TCAF1: variants seen among roughly 807,000 people sequenced by gnomAD.
TCAF1 encodes the protein TRPM8 channel associated factor 1, also known as TRPM8 channel-associated factor 1.
Under a neutral mutation model 27.3 loss-of-function variants are expected in TCAF1, and 4 were observed. The observed-to-expected ratio is 0.15, with a 90% confidence interval of 0.07 to 0.34. TCAF1 has a LOEUF of 0.34. Among genes scored for constraint, TCAF1 ranks in the 10% least tolerant of loss-of-function variants. The pLI, the probability that TCAF1 is intolerant of heterozygous loss-of-function variation, is 1.00. For missense variants in TCAF1, 257 were observed against 425.8 expected, an observed-to-expected ratio of 0.60 and a Z score of 3.49; for synonymous variants, 105 against 167.1, an observed-to-expected ratio of 0.63 and a Z score of 2.87.
intron 2 of TCAF1, among the ~76,000 whole-genome samples, chr7:143,871,598 T>C (rs1812463266): frequency 3.6e-5 from 1 of 27,454 alleles, no homozygotes; most frequent in East Asian, 6.7e-4. Context: ...CACAAAAGAC[T>C]CATCTATATC....
In TCAF1 at chr7:143,885,489, C is replaced by T. The variant is rs1169003877; in HGVS notation, c.-14-8867G>A. ...CAGTTTCTACCCCAAGATGCCGCCC[C>T]AGATCCGGGATGGAGACCCAGACGC... On this transcript the variant is annotated intron_variant, in intron 1 of 8. Coordinates refer to ENST00000479870, the MANE Select transcript of TCAF1 (RefSeq NM_014719.3). 45 of 985,286 alleles carry T rather than the reference C, an allele frequency of 4.6e-5. 1 individual carries two copies. The highest frequency in any genetic ancestry group is 5.3e-5 in the Non-Finnish European group (44 of 829,942). 61.0% of individuals were successfully genotyped at this position (985,286 alleles called of 1,614,324 possible).
intron 1 of TCAF1, among the ~76,000 whole-genome samples, chr7:143,890,688 G>T (rs1215734897): frequency 6.6e-6 from 1 of 152,170 alleles, no homozygotes; most frequent in Non-Finnish European, 1.5e-5. Flanking sequence ...ACAGTGCAGG[G>T]TTACTGAGGC....
chr7:143,885,641 G>A (rs1005183915), intron 1 of TCAF1: 11 of 810,014 alleles, frequency 1.4e-5, no homozygotes, highest in Non-Finnish European at 1.5e-5. Context: ...TTCCAAGGAT[G>A]GGTTAAATCT....
intron 2 of TCAF1, among the ~76,000 whole-genome samples, chr7:143,867,439 T>C (rs1305045283): frequency 6.6e-6 from 1 of 151,612 alleles, no homozygotes; most frequent in East Asian, 1.9e-4. Flanking sequence ...AGGGAGACCC[T>C]GTCTCAAAAA....
chr7:143,882,595 C>G, intron 1 of TCAF1: 6 of 985,656 alleles, frequency 6.1e-6, no homozygotes, highest in Non-Finnish European at 7.2e-6. Flanking sequence ...TTTCGGCACA[C>G]CCAGACCCAC....
intron 6 of TCAF1, among the ~76,000 whole-genome samples, chr7:143,859,748 C>G (rs1259689276): frequency 1.9e-4 from 28 of 149,226 alleles, no homozygotes; most frequent in Non-Finnish European, 3.1e-4. Flanking sequence ...ACAACTCTGA[C>G]CTAGGTCACG....
chr7:143,884,740 TAGAA>T (rs1440243038), intron 1 of TCAF1, among the ~76,000 whole-genome samples: 2 of 140,576 alleles, frequency 1.4e-5, no homozygotes, highest in Non-Finnish European at 3.1e-5. Flanking sequence ...TTTTATTTCT[TAGAA>T]AGAAAGGGGG....
In TCAF1 at chr7:143,876,278, C is replaced by T. The variant is rs1812701438; in HGVS notation, c.331G>A (p.Asp111Asn). ...LAKILEGSGV[D>N]AKVEPEVKDS... ...TTCACTTCTGGCTCAACCTTTGCAT[C>T]CACTCCAGAGCCCTCGAGGATTTTG... The change falls in exon 2 of 9, where the codon GAT becomes AAT. Residue 111 changes from aspartate to asparagine, a missense_variant. By Grantham distance (23) the Asp-to-Asn change is conservative. Transcript: ENST00000479870. 1 of 1,614,082 alleles carries T rather than the reference C, an allele frequency of 6.2e-7. No individual in the cohort carries two copies. Among genetic ancestry groups the T allele is most frequent in the African/African-American group, 1.3e-5 (1 of 74,946 alleles).
chr7:143,852,544 C>T lies in TCAF1; in HGVS notation c.*1589G>A, dbSNP rs1394530029. On this transcript the variant is annotated 3_prime_UTR_variant, in exon 9 of 9. Coordinates refer to ENST00000479870, the MANE Select transcript of TCAF1 (RefSeq NM_014719.3). ...ATTTGCCTGACAGAAAATGTCTTCA[C>T]TTTGATGTTCTTCTTGACAGTCTGC... 2.0e-5 allele frequency: 3 copies of T among 152,792 alleles called. No homozygotes were observed. Among genetic ancestry groups the T allele is most frequent in the African/African-American group, 7.2e-5 (3 of 41,490 alleles). The allele number at this position is 152,792 out of a possible 1,614,324, so 9.5% of individuals were successfully genotyped here.
rs1562969350 is a variant in TCAF1, at chr7:143,886,556, G to A, written c.-14-9934C>T. ...TCCACTGGATGGATGGATGAAATGG[G>A]GTAAGAAAGAAAATCCTTAGGATCA... On this transcript the variant is annotated intron_variant, in intron 1 of 8. Transcript: ENST00000479870. The A allele has an allele frequency of 5.1e-6, 5 of 984,070 alleles. No individual in the cohort carries two copies. The South Asian group carries it at 2.4e-4, about 46-fold the overall frequency. The allele number at this position is 984,070 out of a possible 1,614,324, so 61.0% of individuals were successfully genotyped here.
rs1486437122 is a variant in TCAF1 at position 143,902,127 on chromosome 7, G to C, written c.-181C>G. ...AGGAGGAAGCAGCTTCTCCGCCCAG[G>C]AGGCAAAGGGCAGCGGGCTCGAAAC... On this transcript the variant is annotated 5_prime_UTR_variant, in exon 1 of 9. Transcript: ENST00000479870. 2.0e-5 allele frequency: 3 copies of C among 152,422 alleles called. No individual in the cohort carries two copies. Among genetic ancestry groups the C allele is most frequent in the Non-Finnish European group, 4.4e-5 (3 of 68,202 alleles). 9.4% of individuals were successfully genotyped at this position (152,422 alleles called of 1,614,324 possible). A position where few individuals can be genotyped will look rare whatever the true frequency, so the allele number is the denominator to read the frequency against.
At chr7:143,869,105 T>C (rs1337505774) in intron 2 of TCAF1, among the ~76,000 whole-genome samples, 2 of 133,814 alleles carry the variant, frequency 1.5e-5, no homozygotes, top group Non-Finnish European at 3.2e-5. Context: ...CAGGTTCAAA[T>C]GATTCTCATG....
intron 2 of TCAF1, 136 bp downstream of exon 2, chr7:143,875,853 A>G (rs1812665531): frequency 1.4e-6 from 1 of 706,484 alleles, no homozygotes; most frequent in Admixed American, 3.2e-5. Flanking sequence ...CATTTAAAAA[A>G]TCTAGTTGAT....
chr7:143,882,580 T>C (rs1406030790), intron 1 of TCAF1: 3 of 985,228 alleles, frequency 3.0e-6, no homozygotes, highest in Non-Finnish European at 3.6e-6. Flanking sequence ...CCCGATGATT[T>C]CTGATTTCGG....
At position 143,876,342 on chromosome 7, in the gene TCAF1, C is replaced by T; in HGVS notation, c.267G>A (p.Gly89=). ...GGGATGGGTGTACACCAATGGGAGC[C>T]CCAGGGGAAGAGCAAAGCCACCCCA... is the stretch of plus-strand genomic sequence containing the variant. ...NAVGWLCSSP[G]APIGVHPSLA... is the part of the protein sequence containing the mutation. The change falls in exon 2 of 9, where the codon GGG becomes GGA. Residue 89 remains glycine, a synonymous_variant. Transcript: ENST00000479870. The T allele has an allele frequency of 6.2e-7, 1 of 1,614,144 alleles. No individual in the cohort carries two copies. The highest frequency in any genetic ancestry group is 1.1e-5 in the South Asian group (1 of 91,082).
At chr7:143,901,370 C>G (rs1043008946) in intron 1 of TCAF1, among the ~76,000 whole-genome samples, 1 of 152,198 alleles carries the variant, frequency 6.6e-6, no homozygotes, top group Non-Finnish European at 1.5e-5. Flanking sequence ...GTACTTAAGG[C>G]CTTCTTCCGT....
At chr7:143,875,862 A>C (rs528782000) in intron 2 of TCAF1, 127 bp downstream of exon 2, 2 of 777,226 alleles carry the variant, frequency 2.6e-6, no homozygotes, top group African/African-American at 3.5e-5. Flanking sequence ...AATCTAGTTG[A>C]TATGTAGTGA....
intron 1 of TCAF1, chr7:143,886,427 G>T: frequency 2.4e-6 from 2 of 841,722 alleles, no homozygotes; most frequent in Non-Finnish European, 2.9e-6. Context: ...TAAATTAAGG[G>T]TTTCATTTCA....
intron 1 of TCAF1, among the ~76,000 whole-genome samples, chr7:143,878,989 G>C (rs1039127180): frequency 3.9e-5 from 6 of 152,152 alleles, no homozygotes; most frequent in African/African-American, 1.4e-4. Flanking sequence ...TGGTCTCTGG[G>C]GACCATCTAC....
Sources: allele counts gnomAD v4.1 joint callset (sites outside exome capture counted in the v4.1 genomes callset), GRCh38; gene constraint gnomAD v4.1.1; transcripts MANE v1.5; gene names NCBI Gene and HGNC (gene_info 2026-07-23, HGNC 2026-07-21).